The following PCDH11X variants were observed in gnomAD, a reference collection of about 807,000 sequenced individuals.
PCDH11X encodes protocadherin 11 X-linked.
A neutral mutation model predicts 53.3 loss-of-function variants in PCDH11X; 18 were observed. The ratio of observed to expected loss-of-function variants is 0.34; its 90% CI spans 0.23 to 0.50. The LOEUF (loss-of-function observed/expected upper bound fraction) is 0.50. Ranked by LOEUF, PCDH11X falls within the 20% of genes least tolerant of loss-of-function variation. PCDH11X has a pLI of 0.98. For missense variants in PCDH11X, 570 were observed against 1,032.4 expected, an observed-to-expected ratio of 0.55 and a Z score of 6.14; for synonymous variants, 279 against 393.3, an observed-to-expected ratio of 0.71 and a Z score of 3.44.
intron 10 of PCDH11X, among the ~76,000 whole-genome samples, chrX:92,534,996 C>T (rs1360308987): frequency 2.7e-5 from 3 of 111,187 alleles, no homozygotes; most frequent in Admixed American, 9.6e-5. Context: ...CCAGTCATAA[C>T]GGCAACTACT....
chrX:91,973,295 G>A (rs1338060809), intron 6 of PCDH11X, among the ~76,000 whole-genome samples: 5 of 69,002 alleles, frequency 7.2e-5, no homozygotes, highest in African/African-American at 2.8e-4. Context: ...TGGTGGGGTG[G>A]GGGGAGGGGG....
At chrX:92,037,545 A>G (rs2148024256) in intron 6 of PCDH11X, among the ~76,000 whole-genome samples, 2 of 111,257 alleles carry the variant, frequency 1.8e-5, no homozygotes, top group East Asian at 5.7e-4. Context: ...TTATAGTAAA[A>G]TGATTTATAT....
intron 1 of PCDH11X, among the ~76,000 whole-genome samples, chrX:91,798,588 C>CAA (rs1452874237): frequency 3.0e-3 from 252 of 84,932 alleles, no homozygotes; most frequent in African/African-American, 9.9e-3. Flanking sequence ...GACTCTGTCT[C>CAA]AAAAAAAAAA....
intron 8 of PCDH11X, among the ~76,000 whole-genome samples, chrX:92,345,319 A>T (rs1311585222): frequency 1.8e-5 from 2 of 110,726 alleles, no homozygotes; most frequent in Non-Finnish European, 3.8e-5. Flanking sequence ...GTACATAAAC[A>T]TATCATCTAA....
At chrX:92,147,424 A>G (rs1401056563) in intron 6 of PCDH11X, among the ~76,000 whole-genome samples, 3 of 111,763 alleles carry the variant, frequency 2.7e-5, no homozygotes, top group Non-Finnish European at 3.8e-5. Flanking sequence ...ATTCTAATGT[A>G]TGTTTGAAAG....
At chrX:92,196,511 A>G (rs1410394534) in intron 6 of PCDH11X, among the ~76,000 whole-genome samples, 1 of 111,703 alleles carries the variant, frequency 9.0e-6, no homozygotes, top group East Asian at 2.8e-4. Context: ...ATTATGTAAC[A>G]ATTGGGATAA....
In PCDH11X at chrX:92,151,796, A is replaced by G. The variant is rs759557154; in HGVS notation, c.3034-49579A>G. Among the ~76,000 whole-genome samples the G allele has an allele frequency of 1.8e-3, 196 of 111,508 alleles. 1 individual carries two copies. The highest frequency in any genetic ancestry group is 6.1e-3 in the African/African-American group (187 of 30,764). Reference sequence around the variant, plus strand: ...TTAGAGTTCATTTACATATTAAATCACAATTATTTTATTAATTCATTTAAT... The same window carrying G: ...TTAGAGTTCATTTACATATTAAATCGCAATTATTTTATTAATTCATTTAAT... On this transcript the variant is annotated intron_variant, in intron 6 of 10. Transcript: ENST00000682573.
At chrX:92,276,186 G>C (rs761776677) in intron 8 of PCDH11X, among the ~76,000 whole-genome samples, 1 of 108,694 alleles carries the variant, frequency 9.2e-6, no homozygotes, top group Non-Finnish European at 1.9e-5. Flanking sequence ...AGGGAAACAG[G>C]CCCTTGAAAA....
intron 8 of PCDH11X, among the ~76,000 whole-genome samples, chrX:92,270,137 A>T (rs760366341): frequency 1.8e-4 from 17 of 93,940 alleles, no homozygotes; most frequent in African/African-American, 6.5e-4. Context: ...TCTTTTTGAG[A>T]CTCGCTCTGT....
intron 8 of PCDH11X, among the ~76,000 whole-genome samples, chrX:92,316,783 G>A (rs1196343656): frequency 9.0e-6 from 1 of 110,664 alleles, no homozygotes; most frequent in African/African-American, 3.3e-5. Flanking sequence ...AAGTTCAAAG[G>A]GATTTAGATT....
intron 6 of PCDH11X, among the ~76,000 whole-genome samples, chrX:91,975,729 A>G (rs1162965214): frequency 2.7e-5 from 3 of 111,145 alleles, no homozygotes; most frequent in African/African-American, 9.8e-5. Flanking sequence ...GAAAGGATCA[A>G]CTGGGTTAAA....
intron 9 of PCDH11X, among the ~76,000 whole-genome samples, chrX:92,396,228 T>C (rs757555165): frequency 9.1e-6 from 1 of 109,482 alleles, no homozygotes; most frequent in East Asian, 2.9e-4. Context: ...CCTTTGAATA[T>C]GATGAAAAGT....
chrX:92,219,486 A>T lies in PCDH11X; in HGVS notation c.3114+18031A>T, dbSNP rs760185512. Reference sequence around the variant, plus strand: ...AATAAAATACCTAGGAATCCAACTTACAAGGGACGTGAAGGCCCTCTTCAA... The same window carrying T: ...AATAAAATACCTAGGAATCCAACTTTCAAGGGACGTGAAGGCCCTCTTCAA... On this transcript the variant is annotated intron_variant, in intron 7 of 10. Coordinates refer to ENST00000682573, the MANE Select transcript of PCDH11X (RefSeq NM_032968.5). Among the ~76,000 whole-genome samples, 18 of 110,609 alleles carry T rather than the reference A, an allele frequency of 1.6e-4. No individual in the cohort carries two copies. In the South Asian group the frequency reaches 6.3e-3, roughly 39 times the overall value.
intron 8 of PCDH11X, among the ~76,000 whole-genome samples, chrX:92,320,261 C>T (rs779434267): frequency 6.2e-4 from 69 of 111,430 alleles, no homozygotes; most frequent in African/African-American, 2.1e-3. Context: ...AAAGTTCTAG[C>T]TCACATGCCT....
At chrX:92,424,101 A>T (rs1169969931) in intron 9 of PCDH11X, among the ~76,000 whole-genome samples, 1 of 94,308 alleles carries the variant, frequency 1.1e-5, no homozygotes, top group African/African-American at 3.4e-5. Flanking sequence ...CACAATATTG[A>T]TTCTATCCAT....
At chrX:92,197,994 A>G (rs2066320094) in intron 6 of PCDH11X, among the ~76,000 whole-genome samples, 1 of 111,501 alleles carries the variant, frequency 9.0e-6, no homozygotes, top group African/African-American at 3.3e-5. Flanking sequence ...ATTCAGAAAT[A>G]GCATGATCTT....
chrX:92,493,189 A>G, intron 10 of PCDH11X, among the ~76,000 whole-genome samples: 1 of 111,510 alleles, frequency 9.0e-6, no homozygotes, highest in Middle Eastern at 4.6e-3. Context: ...ATGAGACTAC[A>G]GTAAAGTTCA....
At chrX:92,208,577 G>T (rs1024990526) in intron 7 of PCDH11X, among the ~76,000 whole-genome samples, 32 of 84,682 alleles carry the variant, frequency 3.8e-4, no homozygotes, top group African/African-American at 1.5e-3. Flanking sequence ...TGTTAGAAGA[G>T]TATAGTTTTC....
chrX:92,109,499 G>T (rs1318114036), intron 6 of PCDH11X, among the ~76,000 whole-genome samples: 1 of 111,413 alleles, frequency 9.0e-6, no homozygotes, highest in South Asian at 3.8e-4. Flanking sequence ...TCTGTTCCTG[G>T]GTGGGATCAC....
Sources: allele counts gnomAD v4.1 joint callset (sites outside exome capture counted in the v4.1 genomes callset), GRCh38; gene constraint gnomAD v4.1.1; transcripts MANE v1.5; gene names NCBI Gene and HGNC (gene_info 2026-07-23, HGNC 2026-07-21).